The following ANK2 variants were observed in gnomAD, a reference collection of about 807,000 sequenced individuals.
ANK2 encodes the protein ankyrin 2, also known as ankyrin-2.
In ANK2, 83 loss-of-function variants were observed where a neutral mutation model predicts 360.5. The ratio of observed to expected loss-of-function variants is 0.23; its 90% CI spans 0.19 to 0.28. The LOEUF (loss-of-function observed/expected upper bound fraction) is 0.28. Among genes scored for constraint, ANK2 ranks in the 10% least tolerant of loss-of-function variants. ANK2 has a pLI of 1.00. For synonymous variants in ANK2, 1,740 were observed against 1,759.5 expected (o/e 0.99, Z 0.28); for missense variants, 4,201 against 4,795.7 (o/e 0.88, Z 3.66).
At chr4:113,186,431 C>T (rs894522523) in intron 2 of ANK2, among the ~76,000 whole-genome samples, 6 of 152,156 alleles carry the variant, frequency 3.9e-5, no homozygotes, top group African/African-American at 1.4e-4. Flanking sequence ...TAGGTAAATA[C>T]ACGAAGATGA....
chr4:113,265,456 CTGT>C (rs1237224732), intron 14 of ANK2, among the ~76,000 whole-genome samples: 1 of 152,094 alleles, frequency 6.6e-6, no homozygotes, highest in Non-Finnish European at 1.5e-5. Flanking sequence ...TTTCCTTCAT[CTGT>C]TTGCCTTCCC....
chr4:113,161,678 A>G (rs1021927090), intron 1 of ANK2, among the ~76,000 whole-genome samples: 1 of 150,082 alleles, frequency 6.7e-6, no homozygotes, highest in African/African-American at 2.5e-5. Context: ...CTCCTGTACA[A>G]AATTTTGTTT....
At chr4:112,802,650 A>G in the ANK2 span, among the ~76,000 whole-genome samples, 1,404 of 152,302 alleles carry the variant, frequency 9.2e-3, 11 homozygotes, top group Non-Finnish European at 0.015. Flanking sequence ...GAAAAAATTA[A>G]AATTATTAAG....
At chr4:113,150,148 T>G (rs1009752658) in intron 1 of ANK2, among the ~76,000 whole-genome samples, 1 of 152,122 alleles carries the variant, frequency 6.6e-6, no homozygotes, top group African/African-American at 2.4e-5. Context: ...AGATCAGCTG[T>G]ACCACTTGTT....
intron 11 of ANK2, among the ~76,000 whole-genome samples, chr4:113,257,123 T>C (rs2049913101): frequency 6.6e-6 from 1 of 152,212 alleles, no homozygotes; most frequent in South Asian, 2.1e-4. Context: ...TCCTGAGAAC[T>C]GCTAGTGTGT....
chr4:113,007,864 AT>A (rs1303878065), intron 2 of ANK2, among the ~76,000 whole-genome samples: 1 of 152,142 alleles, frequency 6.6e-6, no homozygotes, highest in Non-Finnish European at 1.5e-5. Flanking sequence ...ACCATATTGT[AT>A]TGTGGTAGAG....
chr4:113,133,560 T>A (rs1045256959), intron 1 of ANK2, among the ~76,000 whole-genome samples: 1 of 152,096 alleles, frequency 6.6e-6, no homozygotes, highest in African/African-American at 2.4e-5. Context: ...TACTACCACG[T>A]AATGTCTGAT....
the ANK2 span, among the ~76,000 whole-genome samples, chr4:112,729,298 AT>A: frequency 6.6e-6 from 1 of 152,212 alleles, no homozygotes; most frequent in Admixed American, 6.5e-5. Flanking sequence ...TGAAAAAAAA[AT>A]AAAACTACCA....
chr4:112,976,257 G>A (rs1234312301), intron 2 of ANK2, among the ~76,000 whole-genome samples: 3 of 151,536 alleles, frequency 2.0e-5, no homozygotes, highest in South Asian at 2.1e-4. Context: ...GCAGGGGCAC[G>A]ATCTTGGCTC....
chr4:112,800,166 C>T, the ANK2 span, among the ~76,000 whole-genome samples: 1 of 152,126 alleles, frequency 6.6e-6, no homozygotes, highest in Non-Finnish European at 1.5e-5. Flanking sequence ...TCCTTCTCTC[C>T]AAGAGTTCAT....
chr4:113,180,774 T>C (rs2098392675), intron 2 of ANK2, among the ~76,000 whole-genome samples: 1 of 152,220 alleles, frequency 6.6e-6, no homozygotes, highest in Non-Finnish European at 1.5e-5. Flanking sequence ...GAATGAGCTA[T>C]ATGCAGTTTT....
chr4:112,964,565 T>C (rs2036376090), intron 2 of ANK2, among the ~76,000 whole-genome samples: 1 of 151,042 alleles, frequency 6.6e-6, no homozygotes, highest in Admixed American at 6.7e-5. Context: ...CATTTTCTTT[T>C]CTTTTTTCTT....
intron 2 of ANK2, among the ~76,000 whole-genome samples, chr4:112,943,949 GATGTA>G (rs1216042906): frequency 6.6e-6 from 1 of 152,140 alleles, no homozygotes; most frequent in Non-Finnish European, 1.5e-5. Flanking sequence ...TTGTATGACA[GATGTA>G]ATTTAGATGA....
rs546008490 is a variant in ANK2, at chr4:113,007,263, G to A, written c.21+102749G>A. On this transcript the variant is annotated intron_variant, in intron 2 of 30. Transcript: ENST00000503271. ...TTTTGACCTTCATCTTGTCCTCTGGGGAAAAGAGTAAGCTTTCAGCTTTTC... is the reference window on the plus strand; with the variant it reads ...TTTTGACCTTCATCTTGTCCTCTGGAGAAAAGAGTAAGCTTTCAGCTTTTC... 1.2e-3 allele frequency among the ~76,000 whole-genome samples: 190 copies of A among 152,244 alleles called. 2 individuals carry two copies. The highest frequency in any genetic ancestry group is 5.9e-4 in the Admixed American group (9 of 15,288).
chr4:113,221,207 G>A (rs956170792), intron 4 of ANK2, among the ~76,000 whole-genome samples: 3 of 152,210 alleles, frequency 2.0e-5, no homozygotes, highest in African/African-American at 7.2e-5. Context: ...AACAACGTGA[G>A]GAGGTAGAAT....
intron 9 of ANK2, among the ~76,000 whole-genome samples, chr4:113,248,919 C>T (rs561370575): frequency 6.6e-6 from 1 of 152,288 alleles, no homozygotes; most frequent in African/African-American, 2.4e-5. Flanking sequence ...TTCTTGCTCA[C>T]TGTTAATTAC....
intron 1 of ANK2, among the ~76,000 whole-genome samples, chr4:113,131,319 A>G (rs540453677): frequency 1.2e-3 from 179 of 152,306 alleles, no homozygotes; most frequent in Non-Finnish European, 2.1e-3. Flanking sequence ...GCCCTGAAGC[A>G]TAGCCTCTGT....
chr4:113,192,334 A>G (rs1367703833), intron 2 of ANK2, among the ~76,000 whole-genome samples: 1 of 151,648 alleles, frequency 6.6e-6, no homozygotes, highest in Non-Finnish European at 1.5e-5. Context: ...TGCAATCCAG[A>G]GCATGCCTGC....
chr4:113,340,485 GA>G (rs1330944979), intron 32 of ANK2, among the ~76,000 whole-genome samples: 1 of 152,114 alleles, frequency 6.6e-6, no homozygotes, highest in African/African-American at 2.4e-5. Flanking sequence ...TTGAGCCCAG[GA>G]GTTCAAGACT....
Sources: gnomAD v4.1 joint callset for allele counts (sites outside exome capture counted in the v4.1 genomes callset) on GRCh38, gnomAD v4.1.1 for gene constraint, MANE v1.5 for transcripts, NCBI Gene and HGNC (gene_info 2026-07-23, HGNC 2026-07-21) for gene names.